The following SERPINA12 variants were observed in gnomAD, a reference collection of about 807,000 sequenced individuals.
SERPINA12 encodes serpin A12.
A neutral mutation model predicts 25.9 loss-of-function variants in SERPINA12; 21 were observed. That is an observed-to-expected ratio of 0.81 (90% CI 0.58 to 1.17). SERPINA12 has a LOEUF of 1.17. Among genes scored for constraint, SERPINA12 ranks in the 50% most tolerant of loss-of-function variants. The pLI is 0.00. For synonymous variants in SERPINA12, 220 were observed against 196.0 expected, an observed-to-expected ratio of 1.12 and a Z score of -1.02; for missense variants, 562 against 508.3, an observed-to-expected ratio of 1.11 and a Z score of -1.02.
chr14:94,501,025 C>A (rs1900696394), intron 1 of SERPINA12: 1 of 985,292 alleles, frequency 1.0e-6, no homozygotes, highest in Admixed American at 6.1e-5. Flanking sequence ...AAAACCACTT[C>A]TTGGTAAAAC....
chr14:94,505,080 A>G (rs1318500598), intron 1 of SERPINA12, among the ~76,000 whole-genome samples: 2 of 152,124 alleles, frequency 1.3e-5, no homozygotes, highest in East Asian at 3.9e-4. Flanking sequence ...AAACATTCAC[A>G]TATTTCTTCC....
chr14:94,498,340 G>A lies in SERPINA12; in HGVS notation c.58C>T (p.Leu20Phe), dbSNP rs749001752. 2.5e-6 allele frequency: 4 copies of A among 1,614,020 alleles called. No homozygotes were observed. Among genetic ancestry groups the A allele is most frequent in the African/African-American group, 1.3e-5 (1 of 74,898 alleles). Residue 20 changes from leucine (L) to phenylalanine (F), a missense_variant, in exon 2 of 5, where the codon CTT becomes TTT. By Grantham distance (22) the Leu-to-Phe change is conservative. Transcript: ENST00000677451. ...FLAVLLTVKG[L>F]LKPSFSPRNY... ...CTTGGTGAGAAGCTCGGCTTTAGAA[G>A]ACCTTTCACCGTGAGGAGAACAGCC... is the stretch of plus-strand genomic sequence containing the variant.
At position 94,499,612 on chromosome 14, in the gene SERPINA12, G is replaced by A. The variant is rs142850504; in HGVS notation, c.-33-1182C>T. ...ATATCTTACATGTCTGTAATCTGTG[G>A]GTAATAGTCAGCCTGTCCACAGTAA... On this transcript the variant is annotated intron_variant, in intron 1 of 4. Coordinates refer to ENST00000677451, the MANE Select transcript of SERPINA12 (RefSeq NM_001382267.1). 9.6e-4 allele frequency among the ~76,000 whole-genome samples: 146 copies of A among 152,260 alleles called. 1 individual carries two copies. Among genetic ancestry groups the A allele is most frequent in the African/African-American group, 3.4e-3 (143 of 41,534 alleles).
intron 3 of SERPINA12, among the ~76,000 whole-genome samples, chr14:94,490,384 G>A (rs1337234219): frequency 2.6e-5 from 4 of 151,992 alleles, no homozygotes; most frequent in East Asian, 1.9e-4. Flanking sequence ...GCTGAACCGC[G>A]ATCAGCCTCC....
upstream of SERPINA12, chr14:94,511,396 T>C: frequency 1.0e-6 from 1 of 984,938 alleles, no homozygotes; most frequent in Non-Finnish European, 1.2e-6. Flanking sequence ...TGCAGCTTCA[T>C]AAGAATTTCT....
intron 3 of SERPINA12, 144 bp downstream of exon 3, chr14:94,496,229 G>C (rs965637497): frequency 9.0e-5 from 71 of 786,838 alleles, no homozygotes; most frequent in Middle Eastern, 7.5e-4. Context: ...CCTATGATTT[G>C]TTCCCCAGTC....
chr14:94,495,223 T>C (rs913753146), intron 3 of SERPINA12, among the ~76,000 whole-genome samples: 2 of 151,000 alleles, frequency 1.3e-5, no homozygotes, highest in South Asian at 2.1e-4. Context: ...CGCCCGCCAC[T>C]ACGCCCGGCT....
At chr14:94,488,359 A>G (rs915732815) in intron 4 of SERPINA12, among the ~76,000 whole-genome samples, 11 of 151,686 alleles carry the variant, frequency 7.3e-5, no homozygotes, top group African/African-American at 2.7e-4. Flanking sequence ...TCCACTAAGC[A>G]CCCAATCCCC....
upstream of SERPINA12, chr14:94,510,082 G>A (rs1237970100): frequency 1.0e-6 from 1 of 985,226 alleles, no homozygotes; most frequent in Non-Finnish European, 1.2e-6. Flanking sequence ...TGTGGTCTGG[G>A]TACCAGACAT....
At chr14:94,507,732 G>C (rs575993991) in intron 1 of SERPINA12, among the ~76,000 whole-genome samples, 1 of 152,272 alleles carries the variant, frequency 6.6e-6, no homozygotes, top group African/African-American at 2.4e-5. Flanking sequence ...CTTATATTGC[G>C]GGTGGGTGTG....
intron 1 of SERPINA12, among the ~76,000 whole-genome samples, chr14:94,502,094 A>G (rs927591289): frequency 7.1e-6 from 1 of 141,160 alleles, no homozygotes; most frequent in Admixed American, 7.0e-5. Flanking sequence ...AAATAAAGAG[A>G]TAAAACTAAA....
chr14:94,503,979 AG>A (rs1900840396), intron 1 of SERPINA12: 1 of 152,250 alleles, frequency 6.6e-6, no homozygotes, highest in Non-Finnish European at 1.5e-5. Flanking sequence ...ATTCTTCAAG[AG>A]GGGTTTACCT....
intron 1 of SERPINA12, among the ~76,000 whole-genome samples, chr14:94,502,024 ATGTGTGTGTGTG>A (rs10626991): frequency 2.1e-5 from 3 of 144,602 alleles, no homozygotes; most frequent in African/African-American, 7.6e-5. Context: ...TTAGTTTGGA[ATGTGTGTGTGTG>A]TGTGTGTGTG....
chr14:94,507,295 G>A (rs966676607), intron 1 of SERPINA12, among the ~76,000 whole-genome samples: 6 of 152,168 alleles, frequency 3.9e-5, no homozygotes, highest in Non-Finnish European at 8.8e-5. Flanking sequence ...TATATTAATA[G>A]TAGACAATCT....
At chr14:94,511,079 A>C (rs1486843062), upstream of SERPINA12, among the ~76,000 whole-genome samples, 3 of 152,218 alleles carry the variant, frequency 2.0e-5, no homozygotes, top group South Asian at 2.1e-4. Context: ...CCTGTACCCC[A>C]AAAACTCTTG....
At chr14:94,517,077 A>G (rs1358342308) in intron 1 of SERPINA12, among the ~76,000 whole-genome samples, 1 of 152,246 alleles carries the variant, frequency 6.6e-6, no homozygotes, top group African/African-American at 2.4e-5. Context: ...GGCACAGCAC[A>G]TGGCTCTCTG....
intron 1 of SERPINA12, among the ~76,000 whole-genome samples, chr14:94,498,886 G>T (rs1228301680): frequency 6.6e-6 from 1 of 152,162 alleles, no homozygotes; most frequent in Non-Finnish European, 1.5e-5. Context: ...CTTTGGGGCA[G>T]CTAGCTTTGT....
At chr14:94,510,275 C>T, upstream of SERPINA12, 2 of 985,194 alleles carry the variant, frequency 2.0e-6, no homozygotes, top group Non-Finnish European at 2.4e-6. Flanking sequence ...CAAGTCCGTG[C>T]TAAATGTCAT....
At chr14:94,495,465 A>G (rs1900378776) in intron 3 of SERPINA12, among the ~76,000 whole-genome samples, 1 of 152,190 alleles carries the variant, frequency 6.6e-6, no homozygotes, top group African/African-American at 2.4e-5. Flanking sequence ...GAGTTGCATC[A>G]GTTCAGTTAC....
Sources: gnomAD v4.1 joint callset for allele counts (sites outside exome capture counted in the v4.1 genomes callset) on GRCh38, gnomAD v4.1.1 for gene constraint, MANE v1.5 for transcripts, NCBI Gene and HGNC (gene_info 2026-07-23, HGNC 2026-07-21) for gene names.